The following CD4 variants were observed in gnomAD, a reference collection of about 807,000 sequenced individuals.
CD4 encodes CD4 molecule.
Under a neutral mutation model 50.5 loss-of-function variants are expected in CD4, and 25 were observed. The observed-to-expected ratio is 0.49, with a 90% CI of 0.36 to 0.69. The LOEUF (loss-of-function observed/expected upper bound fraction) is 0.69. Ranked by LOEUF, CD4 falls within the 30% of genes least tolerant of loss-of-function variation. The probability of loss-of-function intolerance (pLI) is 0.00; values close to 1 mark genes in which losing one functional copy is unlikely to be tolerated. For missense variants in CD4, 456 were observed against 548.5 expected, an observed-to-expected ratio of 0.83 and a Z score of 1.68; for synonymous variants, 207 against 221.9, an observed-to-expected ratio of 0.93 and a Z score of 0.60.
In CD4 at chr12:6,818,956, AG is replaced by A. The variant is rs782492569; in HGVS notation, c.1346+47del. The A allele has an allele frequency of 2.0e-6, 1 of 507,004 alleles. No homozygotes were observed. Among genetic ancestry groups the A allele is most frequent in the South Asian group, 1.7e-5 (1 of 60,262 alleles). The allele number at this position is 507,004 out of a possible 1,614,324, so 31.4% of individuals were successfully genotyped here. ...AGGGGTTGAGAGAGGGGAAAGGGGG[AG>A]GGGGAGGGAGTTAGAGAGGAGGGGG... On this transcript the variant is annotated intron_variant, in intron 9 of 9. Transcript: ENST00000011653. The surrounding 1 kb of genome is among the most constrained non-coding windows in gnomAD (Gnocchi z 5.0).
At chr12:6,815,782 G>C (rs1591563194) in intron 5 of CD4, 1 of 1,432,774 alleles carries the variant, frequency 7.0e-7, no homozygotes, top group Admixed American at 2.1e-5. Context: ...CTGTGGTCCA[G>C]GAATCCTAAG....
chr12:6,798,356 T>G lies in CD4; in HGVS notation c.-67-1716T>G, dbSNP rs1203935655. Among the ~76,000 whole-genome samples the G allele has an allele frequency of 1.5e-5, 2 of 133,904 alleles. 1 individual carries two copies. The highest frequency in any genetic ancestry group is 5.5e-5 in the African/African-American group (2 of 36,132). The allele number at this position is 133,904 out of a possible 152,430, so 87.8% of individuals were successfully genotyped here. ...GGCTAATTTTTTTGTATTTTTTTAG[T>G]AGAGATGGGGTTTCACCGTGTTCAC... On this transcript the variant is annotated intron_variant, in intron 1 of 9. Transcript: ENST00000011653.
At chr12:6,809,283 C>T (rs1306633190) in intron 3 of CD4, among the ~76,000 whole-genome samples, 2 of 152,092 alleles carry the variant, frequency 1.3e-5, no homozygotes, top group Non-Finnish European at 2.9e-5. Context: ...ATGACTTGAC[C>T]TGAGGATTTC....
intron 3 of CD4, among the ~76,000 whole-genome samples, chr12:6,812,072 C>T (rs1942955932): frequency 6.6e-6 from 1 of 152,114 alleles, no homozygotes; most frequent in Non-Finnish European, 1.5e-5. Flanking sequence ...ATCCTAGCTC[C>T]ACCACTTACG....
rs2365568 is a variant in CD4, at chr12:6,800,222, A to G, written c.49+35A>G. The G allele has an allele frequency of 0.93, 1,496,681 of 1,612,746 alleles. 695,900 individuals are homozygous for G. Among genetic ancestry groups the G allele is most frequent in the East Asian group, 1 (44,825 of 44,838 alleles). On this transcript the variant is annotated intron_variant, in intron 2 of 9. Coordinates refer to ENST00000011653, the MANE Select transcript of CD4 (RefSeq NM_000616.5). ...CAGACCTGGGGTCTCAATGCAGATGACGTGGGAGGAAAGGCAAAGGTGGAG... is the reference window on the plus strand; with the variant it reads ...CAGACCTGGGGTCTCAATGCAGATGGCGTGGGAGGAAAGGCAAAGGTGGAG...
Position 6,817,232 on chromosome 12 carries a change from A to G in CD4, c.1058A>G (p.Lys353Arg). ...KLENKEAKVS[K>R]REKAVWVLNP... ...GAGAACAAGGAGGCAAAGGTCTCGA[A>G]GCGGGAGAAGGCGGTGTGGGTGCTG... is the stretch of plus-strand genomic sequence containing the variant. Residue 353 changes from lysine to arginine, a missense_variant, in exon 7 of 10, where the codon AAG (lysine) becomes AGG (arginine). Coordinates refer to ENST00000011653, the MANE Select transcript of CD4 (RefSeq NM_000616.5). The G allele has an allele frequency of 6.2e-7, 1 of 1,612,846 alleles. No homozygotes were observed. The highest frequency in any genetic ancestry group is 8.5e-7 in the Non-Finnish European group (1 of 1,179,312).
chr12:6,798,172 C>CTT (rs1167230229), intron 1 of CD4, among the ~76,000 whole-genome samples: 8 of 139,440 alleles, frequency 5.7e-5, no homozygotes, highest in Non-Finnish European at 9.4e-5. Flanking sequence ...AAGAACTTTT[C>CTT]TTTTTTTTTT....
rs1555118504 is a variant in CD4, at chr12:6,818,551, C to T, written c.1278+9C>T. The T allele has an allele frequency of 2.5e-6, 4 of 1,612,326 alleles. No individual in the cohort carries two copies. Among genetic ancestry groups the T allele is most frequent in the Non-Finnish European group, 3.4e-6 (4 of 1,179,972 alleles). ...GGTGCCGGCACCGAAGGGTGAGTAA[C>T]CCCACACCTGGTCCCCACAAGGCCC... On this transcript the variant is annotated intron_variant, in intron 8 of 9. Coordinates refer to ENST00000011653, the MANE Select transcript of CD4 (RefSeq NM_000616.5). The surrounding 1 kb of genome is among the most constrained non-coding windows in gnomAD (Gnocchi z 5.0).
chr12:6,802,263 T>C (rs955648092), intron 3 of CD4, among the ~76,000 whole-genome samples: 4 of 152,108 alleles, frequency 2.6e-5, no homozygotes, highest in Admixed American at 6.5e-5. Context: ...AATGCATGCA[T>C]ACTTCTATCA....
rs28919572 is a variant in CD4, at chr12:6,816,815, G to A, written c.956-315G>A. 1.4e-3 allele frequency among the ~76,000 whole-genome samples: 216 copies of A among 152,248 alleles called. No homozygotes were observed. Among genetic ancestry groups the A allele is most frequent in the African/African-American group, 4.2e-3 (174 of 41,530 alleles). The stretch of plus-strand genomic sequence containing the variant: ...TTCCTTATCTCCTTATCATCATAAC[G>A]ACTCTGCAAATAGTAATGGCTAACA... On this transcript the variant is annotated intron_variant, in intron 6 of 9. Transcript: ENST00000011653. The surrounding 1 kb of genome is among the most constrained non-coding windows in gnomAD (Gnocchi z 4.9).
chr12:6,796,152 T>C (rs1353676667), intron 1 of CD4, among the ~76,000 whole-genome samples: 1 of 152,244 alleles, frequency 6.6e-6, no homozygotes, highest in Non-Finnish European at 1.5e-5. Flanking sequence ...ATGTCTCAGC[T>C]GCTGCCAGGC....
At chr12:6,809,171 G>C (rs918674487) in intron 3 of CD4, among the ~76,000 whole-genome samples, 1 of 151,816 alleles carries the variant, frequency 6.6e-6, no homozygotes, top group South Asian at 2.1e-4. Flanking sequence ...GTTTCCTATC[G>C]TCATCAATTA....
At position 6,796,840 on chromosome 12, in the gene CD4, A is replaced by G. The variant is rs1375734807; in HGVS notation, c.-67-3232A>G. 2.6e-5 allele frequency among the ~76,000 whole-genome samples: 4 copies of G among 152,276 alleles called. No individual in the cohort carries two copies. The East Asian group carries it at 7.7e-4, about 29-fold the overall frequency. On this transcript the variant is annotated intron_variant, in intron 1 of 9. Transcript: ENST00000011653. ...CTGGCCTGGGTGACAGAGTGGATCTAAACTAAAAATAAAAAGATTTACAGT... is the reference window on the plus strand; with the variant it reads ...CTGGCCTGGGTGACAGAGTGGATCTGAACTAAAAATAAAAAGATTTACAGT...
At chr12:6,813,885 G>A (rs1379250611) in intron 3 of CD4, among the ~76,000 whole-genome samples, 9 of 152,156 alleles carry the variant, frequency 5.9e-5, no homozygotes, top group Non-Finnish European at 1.0e-4. Context: ...GATGATGCCT[G>A]TAAAGTATTT....
intron 1 of CD4, among the ~76,000 whole-genome samples, chr12:6,791,840 C>A (rs1351503188): frequency 6.6e-6 from 1 of 152,180 alleles, no homozygotes; most frequent in East Asian, 1.9e-4. Context: ...CCTGACTGTG[C>A]CACTGCACTC....
chr12:6,794,419 TG>T (rs1445105971), intron 1 of CD4, among the ~76,000 whole-genome samples: 1 of 151,314 alleles, frequency 6.6e-6, no homozygotes, highest in Admixed American at 6.6e-5. Flanking sequence ...TTGCCCAGGC[TG>T]GAGTGCAGTG....
At chr12:6,810,051 G>C (rs781872301) in intron 3 of CD4, among the ~76,000 whole-genome samples, 90 of 152,078 alleles carry the variant, frequency 5.9e-4, no homozygotes, top group African/African-American at 2.1e-3. Context: ...CACCATTCCT[G>C]GCTAATTTTT....
In CD4 at chr12:6,814,350, C is replaced by T. The variant is rs782193302; in HGVS notation, c.373+50C>T. ...GATACCTCCTGCCTGGTTCCCTTCC[C>T]CACTACTCCCACCCCTGCACCAAAT... On this transcript the variant is annotated intron_variant, in intron 4 of 9. Transcript: ENST00000011653. 30 of 1,566,546 alleles carry T rather than the reference C, an allele frequency of 1.9e-5. No individual in the cohort carries two copies. In the South Asian group the frequency reaches 3.3e-4, roughly 17 times the overall value.
At chr12:6,800,535 C>T in intron 3 of CD4, 64 bp downstream of exon 3, 1 of 1,414,532 alleles carries the variant, frequency 7.1e-7, no homozygotes, top group South Asian at 1.3e-5. Context: ...CCTTTGGTGT[C>T]TGAGATCTGG....
Sources: gnomAD v4.1 joint callset for allele counts (sites outside exome capture counted in the v4.1 genomes callset) on GRCh38, gnomAD v4.1.1 for gene constraint, Gnocchi (gnomAD v3.1) non-coding constraint, MANE v1.5 for transcripts, NCBI Gene and HGNC (gene_info 2026-07-23, HGNC 2026-07-21) for gene names.